Variants in SAMD8 observed in about 807,000 individuals in gnomAD.
SAMD8 encodes sphingomyelin synthase-related protein 1.
Under a neutral mutation model 42.0 loss-of-function variants are expected in SAMD8, and 20 were observed. The observed-to-expected ratio is 0.48, with a 90% CI of 0.34 to 0.69. SAMD8 has a LOEUF of 0.69. Ranked by LOEUF, SAMD8 falls within the 30% of genes least tolerant of loss-of-function variation. The pLI is 0.01. For missense variants in SAMD8, 328 were observed against 511.6 expected, an observed-to-expected ratio of 0.64 and a Z score of 3.46; for synonymous variants, 162 against 173.0, an observed-to-expected ratio of 0.94 and a Z score of 0.50.
intron 2 of SAMD8, among the ~76,000 whole-genome samples, chr10:75,160,282 C>T (rs969115472): frequency 5.9e-5 from 9 of 152,000 alleles, no homozygotes; most frequent in Admixed American, 1.3e-4. Context: ...CTGCAAGCTC[C>T]GCCTCCTGGG....
At chr10:75,161,553 GA>G (rs200288673) in intron 2 of SAMD8, among the ~76,000 whole-genome samples, 13 of 139,894 alleles carry the variant, frequency 9.3e-5, no homozygotes, top group East Asian at 2.0e-4. Context: ...AGCGCAAACA[GA>G]AAAAAAAAAG....
intron 1 of SAMD8, among the ~76,000 whole-genome samples, chr10:75,138,951 GTTTTTTCTTT>G: frequency 7.1e-6 from 1 of 139,870 alleles, no homozygotes; most frequent in South Asian, 2.2e-4. Context: ...TGCTTAAGTG[GTTTTTTCTTT>G]TTTTTTTTTT....
At chr10:75,147,984 A>G (rs1188024609) in intron 1 of SAMD8, among the ~76,000 whole-genome samples, 1 of 152,202 alleles carries the variant, frequency 6.6e-6, no homozygotes, top group Non-Finnish European at 1.5e-5. Context: ...TCCATAATGC[A>G]TAAGAATTAG....
intron 1 of SAMD8, among the ~76,000 whole-genome samples, chr10:75,115,530 C>G (rs1486169018): frequency 6.6e-6 from 1 of 152,208 alleles, no homozygotes. Flanking sequence ...CCTGAACCCC[C>G]TCCTCCCATA....
chr10:75,108,369 CAG>C, upstream of SAMD8: 1 of 1,335,876 alleles, frequency 7.5e-7, no homozygotes. Flanking sequence ...GCCCTATACC[CAG>C]AGCCCCGCAC....
At chr10:75,161,019 G>T (rs914835854) in intron 2 of SAMD8, among the ~76,000 whole-genome samples, 11 of 152,074 alleles carry the variant, frequency 7.2e-5, no homozygotes, top group Admixed American at 4.6e-4. Context: ...AGTTAGCCGC[G>T]ATTGCGCCAC....
At position 75,179,499 on chromosome 10, in the gene SAMD8, A is replaced by G. The variant is rs560868650; in HGVS notation, c.*2807A>G. 1.2e-4 allele frequency: 19 copies of G among 152,352 alleles called. No homozygotes were observed. The highest frequency in any genetic ancestry group is 1.1e-3 in the Admixed American group (17 of 15,306). The allele number at this position is 152,352 out of a possible 1,614,324, so 9.4% of individuals were successfully genotyped here. On this transcript the variant is annotated 3_prime_UTR_variant, in exon 6 of 6. Transcript: ENST00000542569. ...TTGAGAGACCTAACAACAGACTGCA[A>G]TGGGGATTGTAAAATAACTTTTCAG... is the stretch of plus-strand genomic sequence containing the variant.
rs773128897 is a variant in SAMD8 at position 75,150,889 on chromosome 10, G to A, written c.361G>A (p.Gly121Arg). The stretch of plus-strand genomic sequence containing the variant: ...TGGGGAGCTTTCCCATGACTGTGAC[G>A]GACCCATAACTGACTTGAATTCTGA... ...CNGELSHDCD[G>R]PITDLNSDQY... Residue 121 changes from glycine (G) to arginine (R), a missense_variant, in exon 2 of 6, where the codon GGA becomes AGA. Gly to Arg is a moderately radical substitution (Grantham distance 125). Around this residue, in one of 2 missense-constraint regions of SAMD8, gnomAD observed 150 missense variants for 186.0 expected, o/e 0.81. Coordinates refer to ENST00000542569, the MANE Select transcript of SAMD8 (RefSeq NM_001174156.2). 5.6e-6 allele frequency: 9 copies of A among 1,612,554 alleles called. No homozygotes were observed. Among genetic ancestry groups the A allele is most frequent in the East Asian group, 4.5e-5 (2 of 44,864 alleles).
upstream of SAMD8, chr10:75,108,361 C>T (rs1375813448): frequency 7.3e-7 from 1 of 1,372,198 alleles, no homozygotes; most frequent in African/African-American, 1.5e-5. Context: ...ACTCCACAGC[C>T]CTATACCCAG....
intron 4 of SAMD8, chr10:75,175,817 G>T: frequency 1.1e-6 from 1 of 924,462 alleles, no homozygotes; most frequent in Non-Finnish European, 1.3e-6. Context: ...CCAAAGTGCT[G>T]GGATTACAGG....
chr10:75,134,893 C>CA (rs1304535254), intron 1 of SAMD8, among the ~76,000 whole-genome samples: 2 of 150,392 alleles, frequency 1.3e-5, no homozygotes, highest in Non-Finnish European at 3.0e-5. Context: ...CCTGTCTCTA[C>CA]AAAAAAGTAA....
At chr10:75,111,575 C>A (rs1421213753), upstream of SAMD8, 2 of 1,251,324 alleles carry the variant, frequency 1.6e-6, no homozygotes, top group Admixed American at 4.1e-5. Context: ...GCCACCGCCC[C>A]CGCCTCCACT....
rs112789876 is a variant in SAMD8, at chr10:75,172,822, C to T, written c.793-3244C>T. Among the ~76,000 whole-genome samples the T allele has an allele frequency of 3.3e-3, 505 of 151,738 alleles. 1 individual carries two copies. Among genetic ancestry groups the T allele is most frequent in the African/African-American group, 0.012 (482 of 41,394 alleles). ...AATTTTAATTTTTTTTTTGTAGAAA[C>T]AGGATTTCACTTTGCTGCTCAGGCT... On this transcript the variant is annotated intron_variant, in intron 4 of 5. Coordinates refer to ENST00000542569, the MANE Select transcript of SAMD8 (RefSeq NM_001174156.2).
chr10:75,106,107 T>C (rs868502922), intron 1 of SAMD8, among the ~76,000 whole-genome samples: 1,785 of 150,002 alleles, frequency 0.012, 17 homozygotes, highest in Non-Finnish European at 0.018. Context: ...TTTTCTTTTT[T>C]TTTTTTTTTT....
chr10:75,109,818 T>TTTTGGTTTTGTTTTG (rs1554856164), upstream of SAMD8, among the ~76,000 whole-genome samples: 1 of 150,084 alleles, frequency 6.7e-6, no homozygotes, highest in African/African-American at 2.5e-5. Flanking sequence ...AAGGTGTTTT[T>TTTTGGTTTTGTTTTG]TTTTGTTTTG....
chr10:75,147,982 G>A (rs1400527967), intron 1 of SAMD8, among the ~76,000 whole-genome samples: 7 of 152,106 alleles, frequency 4.6e-5, no homozygotes, highest in African/African-American at 1.7e-4. Context: ...ATTCCATAAT[G>A]CATAAGAATT....
chr10:75,111,230 GC>G (rs1848759641), upstream of SAMD8, among the ~76,000 whole-genome samples: 2 of 152,230 alleles, frequency 1.3e-5, no homozygotes, highest in South Asian at 4.1e-4. Flanking sequence ...AGAAGAGCTG[GC>G]TCTCTCCAGA....
chr10:75,128,917 A>G (rs1209740479), intron 1 of SAMD8, among the ~76,000 whole-genome samples: 1 of 152,160 alleles, frequency 6.6e-6, no homozygotes, highest in Non-Finnish European at 1.5e-5. Context: ...AAAATTTCAG[A>G]CACATACTGA....
intron 1 of SAMD8, among the ~76,000 whole-genome samples, chr10:75,129,912 C>G (rs1033801025): frequency 2.6e-5 from 4 of 152,084 alleles, no homozygotes; most frequent in African/African-American, 7.2e-5. Flanking sequence ...GGGCACTGTT[C>G]TAGACTAAAA....
Sources: allele counts gnomAD v4.1 joint callset (sites outside exome capture counted in the v4.1 genomes callset), GRCh38; gene constraint gnomAD v4.1.1; regional missense constraint gnomAD v4.1.1; transcripts MANE v1.5; gene names NCBI Gene and HGNC (gene_info 2026-07-23, HGNC 2026-07-21).